Variants in ITGB6 observed in about 807,000 individuals in gnomAD.
The protein encoded by ITGB6 is integrin subunit beta 6.
A neutral mutation model predicts 84.5 loss-of-function variants in ITGB6; 80 were observed. The ratio of observed to expected loss-of-function variants is 0.95; its 90% CI spans 0.79 to 1.14. ITGB6 has a LOEUF of 1.14. Ranked by LOEUF, ITGB6 falls within the 50% of genes most tolerant of loss-of-function variation. The pLI is 0.00. For synonymous variants in ITGB6, 383 were observed against 354.9 expected (o/e 1.08, Z -0.89); for missense variants, 1,006 against 968.0 (o/e 1.04, Z -0.52).
chr2:160,105,834 T>C (rs980018133), intron 14 of ITGB6, among the ~76,000 whole-genome samples: 4 of 152,230 alleles, frequency 2.6e-5, no homozygotes, highest in African/African-American at 9.6e-5. Context: ...AGTACTGTGT[T>C]CTAAGTCACC....
At position 160,172,711 on chromosome 2, in the gene ITGB6, T is replaced by C; in HGVS notation, c.779A>G (p.Asn260Ser). 2.5e-6 allele frequency: 4 copies of C among 1,595,398 alleles called. No homozygotes were observed. The highest frequency in any genetic ancestry group is 3.4e-6 in the Non-Finnish European group (4 of 1,164,194). Residue 260 changes from asparagine (N) to serine (S), a missense_variant, in exon 6 of 15, where the codon AAT (asparagine) becomes AGT (serine). Transcript: ENST00000283249. ...AAAGACCAGGAGGTGGAGGGAGTCA[T>C]TCCGCCAGCCAATTTTTTCCTACAG... ...AVCKEKIGWRNDSLHLLVFVS... is the reference protein window; with the variant it reads ...AVCKEKIGWRSDSLHLLVFVS...
intron 7 of ITGB6, among the ~76,000 whole-genome samples, chr2:160,149,914 G>C (rs1325967696): frequency 6.6e-6 from 1 of 152,072 alleles, no homozygotes; most frequent in Non-Finnish European, 1.5e-5. Flanking sequence ...AGAAAAAAGA[G>C]TAAAAAGAAA....
chr2:160,117,744 T>A (rs1682848965), intron 12 of ITGB6, among the ~76,000 whole-genome samples: 1 of 151,720 alleles, frequency 6.6e-6, no homozygotes, highest in African/African-American at 2.4e-5. Flanking sequence ...TTTGAAAAGA[T>A]CAACAAAATC....
At chr2:160,182,044 G>T (rs1685700256) in intron 4 of ITGB6, among the ~76,000 whole-genome samples, 1 of 152,152 alleles carries the variant, frequency 6.6e-6, no homozygotes, top group Admixed American at 6.5e-5. Context: ...AAAAACTAAT[G>T]CAAAAAGACT....
At chr2:160,171,493 C>G (rs1685204638) in intron 6 of ITGB6, among the ~76,000 whole-genome samples, 1 of 152,048 alleles carries the variant, frequency 6.6e-6, no homozygotes. Flanking sequence ...CACCACCACG[C>G]CCGGCTAAAT....
Position 160,112,174 on chromosome 2 carries a change from G to A in ITGB6, c.2007C>T (p.Ser669=). Residue 669 remains serine (S), a synonymous_variant, in exon 13 of 15, where the codon TCC becomes TCT. Transcript: ENST00000283249. The part of the protein sequence containing the change: ...EEDFSKDGSV[S]CSLQGENECL... Reference sequence around the variant, plus strand: ...ATTCATTTTCTCCTTGCAGAGAGCAGGAAACAGAACCATCCTTTGAGAAAT... The same window carrying A: ...ATTCATTTTCTCCTTGCAGAGAGCAAGAAACAGAACCATCCTTTGAGAAAT... 6.2e-7 allele frequency: 1 copy of A among 1,612,650 alleles called. No homozygotes were observed. The highest frequency in any genetic ancestry group is 1.7e-5 in the Admixed American group (1 of 59,910).
At chr2:160,148,669 A>T (rs1684289300) in intron 7 of ITGB6, among the ~76,000 whole-genome samples, 1 of 152,160 alleles carries the variant, frequency 6.6e-6, no homozygotes, top group South Asian at 2.1e-4. Flanking sequence ...GGAAGTGCAA[A>T]GGGTCAGGGG....
At chr2:160,116,505 T>G (rs1168537920) in intron 12 of ITGB6, among the ~76,000 whole-genome samples, 1 of 152,146 alleles carries the variant, frequency 6.6e-6, no homozygotes, top group Non-Finnish European at 1.5e-5. Flanking sequence ...AAAGAGCTCC[T>G]GAAGGAAGCA....
chr2:160,179,326 A>G (rs1685565888), intron 4 of ITGB6, among the ~76,000 whole-genome samples: 1 of 150,862 alleles, frequency 6.6e-6, no homozygotes, highest in Non-Finnish European at 1.5e-5. Context: ...ATATACTCAT[A>G]TATGTTTATG....
chr2:160,177,079 G>A (rs193137852), intron 4 of ITGB6, among the ~76,000 whole-genome samples: 3 of 151,900 alleles, frequency 2.0e-5, no homozygotes, highest in Admixed American at 2.0e-4. Flanking sequence ...ATTAGTGTAT[G>A]GCATGGCATC....
At chr2:160,178,336 A>C (rs1346198985) in intron 4 of ITGB6, among the ~76,000 whole-genome samples, 2 of 152,204 alleles carry the variant, frequency 1.3e-5, no homozygotes, top group Non-Finnish European at 2.9e-5. Flanking sequence ...CTGGGACCTA[A>C]CTATTCTTGG....
intron 4 of ITGB6, among the ~76,000 whole-genome samples, chr2:160,186,625 A>G (rs1438015158): frequency 6.6e-6 from 1 of 152,164 alleles, no homozygotes; most frequent in African/African-American, 2.4e-5. Flanking sequence ...GTATATACCC[A>G]AAGGATTATA....
At chr2:160,122,581 T>C (rs11887337) in intron 12 of ITGB6, among the ~76,000 whole-genome samples, 120,058 of 152,172 alleles carry the variant, frequency 0.79, 48,307 homozygotes, top group African/African-American at 0.95. Flanking sequence ...ACAGAGGCTG[T>C]CTGCTCAGTG....
intron 2 of ITGB6, among the ~76,000 whole-genome samples, 187 bp downstream of exon 2, chr2:160,198,992 A>G (rs553718044): frequency 3.0e-4 from 46 of 152,200 alleles, no homozygotes; most frequent in Non-Finnish European, 5.9e-4. Context: ...CCTTCTACAA[A>G]TTGTTTTTGA....
At chr2:160,152,732 T>G (rs1322750234) in intron 7 of ITGB6, among the ~76,000 whole-genome samples, 1 of 152,198 alleles carries the variant, frequency 6.6e-6, no homozygotes, top group Admixed American at 6.5e-5. Context: ...CTTAAGCTGA[T>G]AAGCAACTTC....
At chr2:160,157,787 T>G (rs1684681313) in intron 7 of ITGB6, among the ~76,000 whole-genome samples, 1 of 149,996 alleles carries the variant, frequency 6.7e-6, no homozygotes, top group Admixed American at 6.6e-5. Context: ...GGGAATGTAT[T>G]GTGCTATTTA....
At chr2:160,104,128 G>A (rs1696818356) in intron 14 of ITGB6, among the ~76,000 whole-genome samples, 1 of 152,162 alleles carries the variant, frequency 6.6e-6, no homozygotes, top group African/African-American at 2.4e-5. Flanking sequence ...TACTGGTTTA[G>A]GGCCAAGACA....
chr2:160,143,000 C>T (rs1684057005), intron 7 of ITGB6, among the ~76,000 whole-genome samples: 1 of 152,182 alleles, frequency 6.6e-6, no homozygotes, highest in African/African-American at 2.4e-5. Context: ...ATATTAACTA[C>T]AGTTTTGCCA....
chr2:160,140,768 A>G (rs1432303163), intron 8 of ITGB6, among the ~76,000 whole-genome samples: 1 of 152,226 alleles, frequency 6.6e-6, no homozygotes, highest in East Asian at 1.9e-4. Flanking sequence ...CAAAACCATC[A>G]TCTTATAATT....
Sources: allele counts gnomAD v4.1 joint callset (sites outside exome capture counted in the v4.1 genomes callset), GRCh38; gene constraint gnomAD v4.1.1; transcripts MANE v1.5; gene names NCBI Gene and HGNC (gene_info 2026-07-23, HGNC 2026-07-21).